CAST: variants seen among roughly 807,000 people sequenced by gnomAD.
CAST encodes calpastatin, also known as MIR583 host.
In CAST, 76 loss-of-function variants were observed where a neutral mutation model predicts 119.6. The ratio of observed to expected loss-of-function variants is 0.64; its 90% CI spans 0.53 to 0.77. CAST has a LOEUF of 0.77. Among genes scored for constraint, CAST ranks in the 30% least tolerant of loss-of-function variants. CAST has a pLI of 0.00. For missense variants in CAST, 953 were observed against 946.5 expected, an observed-to-expected ratio of 1.01 and a Z score of -0.09; for synonymous variants, 319 against 331.6, an observed-to-expected ratio of 0.96 and a Z score of 0.41.
chr5:96,245,197 C>G, the CAST span, among the ~76,000 whole-genome samples: 1 of 152,240 alleles, frequency 6.6e-6, no homozygotes, highest in South Asian at 2.1e-4. Flanking sequence ...TGCTATGCAG[C>G]AAAAGTGTAA....
the CAST span, chr5:96,416,239 T>C: frequency 1.0e-3 from 757 of 726,854 alleles, 11 homozygotes; most frequent in East Asian, 0.02. Flanking sequence ...TTACTGTTTT[T>C]GTTTGTTTGT....
chr5:96,005,848 G>A, the CAST span, among the ~76,000 whole-genome samples: 6 of 152,014 alleles, frequency 3.9e-5, no homozygotes, highest in Non-Finnish European at 8.8e-5. Context: ...ACAACGTAAT[G>A]CATACTCTAG....
the CAST span, among the ~76,000 whole-genome samples, chr5:96,507,990 C>CATTATTATT: frequency 0.1 from 14,602 of 142,074 alleles, 836 homozygotes; most frequent in Non-Finnish European, 0.12. Context: ...ATATCCCTGA[C>CATTATTATT]ATTATTATTA....
the CAST span, among the ~76,000 whole-genome samples, chr5:96,006,146 A>G: frequency 6.6e-6 from 1 of 152,156 alleles, no homozygotes; most frequent in Non-Finnish European, 1.5e-5. Context: ...TGACTGTGCA[A>G]GTTCACCTTA....
At chr5:96,393,405 G>C in the CAST span, 2 of 1,612,560 alleles carry the variant, frequency 1.2e-6, no homozygotes, top group Admixed American at 3.3e-5. Flanking sequence ...CATCCACAAA[G>C]GGAAGAAGGT....
At chr5:96,506,996 C>T in the CAST span, among the ~76,000 whole-genome samples, 1 of 152,154 alleles carries the variant, frequency 6.6e-6, no homozygotes, top group Non-Finnish European at 1.5e-5. Flanking sequence ...AGTGTGCAAA[C>T]TATTGAGTAG....
chr5:96,094,380 A>C, the CAST span, among the ~76,000 whole-genome samples: 1 of 151,796 alleles, frequency 6.6e-6, no homozygotes, highest in Non-Finnish European at 1.5e-5. Flanking sequence ...ATTTAAGAAG[A>C]TTCTAGGGCA....
chr5:96,380,025 G>C, the CAST span, among the ~76,000 whole-genome samples: 1 of 152,100 alleles, frequency 6.6e-6, no homozygotes, highest in Non-Finnish European at 1.5e-5. Context: ...TGCCTAAAAG[G>C]AACAATATCC....
At chr5:96,617,109 C>T (rs1747475020) in intron 1 of CAST, among the ~76,000 whole-genome samples, 1 of 152,114 alleles carries the variant, frequency 6.6e-6, no homozygotes, top group Non-Finnish European at 1.5e-5. Context: ...AATAAAGACA[C>T]CTTTTATTTA....
At chr5:96,452,640 T>TAAAAAAAAAAAAAAAAAAAA in the CAST span, among the ~76,000 whole-genome samples, 1 of 90,140 alleles carries the variant, frequency 1.1e-5, no homozygotes, top group Admixed American at 1.2e-4. Flanking sequence ...TAAAGTATAA[T>TAAAAAAAAAAAAAAAAAAAA]AAAAAAAAAA....
At chr5:96,177,760 T>C in the CAST span, among the ~76,000 whole-genome samples, 1 of 152,182 alleles carries the variant, frequency 6.6e-6, no homozygotes, top group African/African-American at 2.4e-5. Context: ...ACCAGACAAG[T>C]CAATGAGTGC....
At chr5:96,229,892 C>T in the CAST span, among the ~76,000 whole-genome samples, 4 of 152,216 alleles carry the variant, frequency 2.6e-5, no homozygotes, top group Admixed American at 2.6e-4. Flanking sequence ...TTATCCTCCC[C>T]CCGTGTTCCT....
the CAST span, among the ~76,000 whole-genome samples, chr5:96,155,638 G>A: frequency 1.0e-3 from 157 of 152,192 alleles, no homozygotes; most frequent in African/African-American, 3.5e-3. Flanking sequence ...ATTTTCCTAC[G>A]TTCTCACCTT....
At chr5:96,632,911 C>G (rs1014873445) in intron 1 of CAST, among the ~76,000 whole-genome samples, 1 of 152,054 alleles carries the variant, frequency 6.6e-6, no homozygotes, top group Non-Finnish European at 1.5e-5. Flanking sequence ...TGTCCCTTGC[C>G]GTTGGAAATT....
At chr5:96,663,434 C>T (rs923346674) in intron 1 of CAST, among the ~76,000 whole-genome samples, 52 of 152,246 alleles carry the variant, frequency 3.4e-4, no homozygotes, top group Non-Finnish European at 1.0e-4. Flanking sequence ...CTATGCTCTG[C>T]TGGCGCTCAC....
the CAST span, among the ~76,000 whole-genome samples, chr5:96,380,791 A>G: frequency 2.6e-5 from 4 of 152,244 alleles, no homozygotes; most frequent in East Asian, 1.9e-4. Context: ...AAATGTGTCA[A>G]TATTTGGAAC....
chr5:96,327,665 A>G, the CAST span, among the ~76,000 whole-genome samples: 1 of 152,238 alleles, frequency 6.6e-6, no homozygotes, highest in African/African-American at 2.4e-5. Context: ...AGCACAAAAT[A>G]AACGAGAAGG....
chr5:96,548,492 C>A (rs1204255860), intron 1 of CAST, among the ~76,000 whole-genome samples: 1 of 152,140 alleles, frequency 6.6e-6, no homozygotes, highest in Non-Finnish European at 1.5e-5. Flanking sequence ...ATTACCAGGA[C>A]TTTTTGCTGT....
At chr5:95,967,393 G>C in the CAST span, among the ~76,000 whole-genome samples, 1 of 144,952 alleles carries the variant, frequency 6.9e-6, no homozygotes, top group African/African-American at 2.6e-5. Flanking sequence ...TTCCAGCCCA[G>C]ACAATGTAGT....
Sources: allele counts gnomAD v4.1 joint callset (sites outside exome capture counted in the v4.1 genomes callset), GRCh38; gene constraint gnomAD v4.1.1; transcripts MANE v1.5; gene names NCBI Gene and HGNC (gene_info 2026-07-23, HGNC 2026-07-21).